NUP210: variants seen among roughly 807,000 people sequenced by gnomAD.
The protein encoded by NUP210 is nuclear pore membrane glycoprotein 210.
In NUP210, 151 loss-of-function variants were observed where a neutral mutation model predicts 196.0. That is an observed-to-expected ratio of 0.77 (90% CI 0.67 to 0.88). NUP210 has a LOEUF of 0.88. NUP210 is among the 40% of genes least tolerant of loss of function. The probability of loss-of-function intolerance (pLI) is 0.00; values close to 1 mark genes in which losing one functional copy is unlikely to be tolerated. For missense variants in NUP210, 2,314 were observed against 2,493.7 expected, an observed-to-expected ratio of 0.93 and a Z score of 1.53; for synonymous variants, 1,070 against 1,052.7, an observed-to-expected ratio of 1.02 and a Z score of -0.32.
In NUP210 at chr3:13,337,869, C is replaced by T. The variant is rs926552427; in HGVS notation, c.3520G>A (p.Ala1174Thr). 16 of 1,612,384 alleles carry T rather than the reference C, an allele frequency of 9.9e-6. No individual in the cohort carries two copies. The highest frequency in any genetic ancestry group is 1.3e-5 in the African/African-American group (1 of 74,930). Residue 1174 changes from alanine (A) to threonine (T), a missense_variant, in exon 26 of 40, where the codon GCC becomes ACC. Ala to Thr is a moderately conservative substitution (Grantham distance 58). Coordinates refer to ENST00000254508, the MANE Select transcript of NUP210 (RefSeq NM_024923.4). ...VLLLRAVRIR[A>T]PIMRMRTGTQ... The stretch of plus-strand genomic sequence containing the variant: ...CCCGTCCTCATCCGCATGATGGGGG[C>T]GCGGATCCTCACGGCCCTTAGCAGC...
intron 1 of NUP210, among the ~76,000 whole-genome samples, chr3:13,402,137 CT>C (rs1450532924): frequency 6.6e-6 from 1 of 152,126 alleles, no homozygotes; most frequent in East Asian, 1.9e-4. Context: ...GAGTTCAAGG[CT>C]GCAGTGAGTT....
At chr3:13,321,941 G>A in intron 35 of NUP210, 106 bp from the exon 36 acceptor site, 1 of 1,472,994 alleles carries the variant, frequency 6.8e-7, no homozygotes, top group Non-Finnish European at 9.2e-7. Flanking sequence ...ATCCTCCAAA[G>A]CCCAGGTGAG....
intron 11 of NUP210, among the ~76,000 whole-genome samples, chr3:13,375,056 T>C (rs1276037379): frequency 1.3e-5 from 2 of 152,128 alleles, no homozygotes; most frequent in Admixed American, 1.3e-4. Context: ...TGTATATATA[T>C]AATGCTTTCA....
Position 13,418,948 on chromosome 3 carries a change from CA to C in NUP210, c.167+1111del, listed in dbSNP as rs112826426. Among the ~76,000 whole-genome samples, 344 of 52,490 alleles carry C rather than the reference CA, an allele frequency of 6.6e-3. 1 individual carries two copies. The highest frequency in any genetic ancestry group is 0.026 in the East Asian group (39 of 1,472). 34.4% of individuals were successfully genotyped at this position (52,490 alleles called of 152,430 possible). ...TGGACGACAAAGCAAAACTCCGTCT[CA>C]AAAAAAAAAAAAAAAAAAAAAAAAG... is the stretch of plus-strand genomic sequence containing the variant. On this transcript the variant is annotated intron_variant, in intron 1 of 39. Coordinates refer to ENST00000254508, the MANE Select transcript of NUP210 (RefSeq NM_024923.4).
chr3:13,325,968 A>G (rs1438137233), intron 32 of NUP210, 37 bp from the exon 33 acceptor site: 1 of 1,608,842 alleles, frequency 6.2e-7, no homozygotes, highest in Non-Finnish European at 8.5e-7. Flanking sequence ...CCCTTTCCAT[A>G]GCTGGACACT....
chr3:13,345,973 C>T (rs1393814114), intron 20 of NUP210, among the ~76,000 whole-genome samples: 1 of 152,240 alleles, frequency 6.6e-6, no homozygotes, highest in Non-Finnish European at 1.5e-5. Context: ...TTCCATAGTG[C>T]ACCGACTGCG....
chr3:13,332,484 G>C, intron 28 of NUP210, 100 bp from the exon 29 acceptor site: 2 of 918,218 alleles, frequency 2.2e-6, no homozygotes, highest in Non-Finnish European at 3.5e-6. Flanking sequence ...GGAGGGGCCA[G>C]AGAGGAGAAA....
At chr3:13,378,812 G>A in intron 8 of NUP210, 100 bp downstream of exon 8, 1 of 890,062 alleles carries the variant, frequency 1.1e-6, no homozygotes, top group Non-Finnish European at 1.9e-6. Context: ...CTGGCCAGAG[G>A]GAAGCATTTT....
At chr3:13,407,871 A>G (rs929594870) in intron 1 of NUP210, among the ~76,000 whole-genome samples, 2 of 152,208 alleles carry the variant, frequency 1.3e-5, no homozygotes. Flanking sequence ...AACTAAGTAC[A>G]GACTACACAT....
chr3:13,317,901 G>C, intron 39 of NUP210, 120 bp from the exon 40 acceptor site: 2 of 687,260 alleles, frequency 2.9e-6, no homozygotes, highest in South Asian at 1.9e-5. Context: ...GTGATGCCCC[G>C]AGGCCTCCCC....
At chr3:13,320,551 T>C (rs1696479082) in intron 36 of NUP210, among the ~76,000 whole-genome samples, 1 of 146,548 alleles carries the variant, frequency 6.8e-6, no homozygotes, top group African/African-American at 2.5e-5. Flanking sequence ...GAGAATGGCA[T>C]GAACCCGGGA....
At chr3:13,334,557 T>C (rs929715058) in intron 28 of NUP210, among the ~76,000 whole-genome samples, 2 of 152,164 alleles carry the variant, frequency 1.3e-5, no homozygotes, top group African/African-American at 2.4e-5. Context: ...ATAGTTTATT[T>C]CTTCTTGAGG....
chr3:13,318,779 C>T (rs1696379738), intron 39 of NUP210, among the ~76,000 whole-genome samples: 1 of 152,208 alleles, frequency 6.6e-6, no homozygotes, highest in African/African-American at 2.4e-5. Context: ...TCTGAGGCAG[C>T]CTCAGCAATT....
At position 13,322,221 on chromosome 3, in the gene NUP210, G is replaced by C. The variant is rs766039572; in HGVS notation, c.4887C>G (p.Thr1629=). 7 of 1,614,184 alleles carry C rather than the reference G, an allele frequency of 4.3e-6. No individual in the cohort carries two copies. In the East Asian group the frequency reaches 1.6e-4, roughly 36 times the overall value. ...VFDFPSQDVF[T]VEPQFDTALG... is the part of the protein sequence containing the mutation. ...GAGCAGTGTCAAACTGTGGCTCCAC[G>C]GTGAACACATCTTGAGATGGGAAAT... Residue 1629 remains threonine, a synonymous_variant, in exon 35 of 40, where the codon ACC becomes ACG. Coordinates refer to ENST00000254508, the MANE Select transcript of NUP210 (RefSeq NM_024923.4).
chr3:13,365,042 G>A (rs916213485), intron 14 of NUP210, among the ~76,000 whole-genome samples: 2 of 152,084 alleles, frequency 1.3e-5, no homozygotes, highest in African/African-American at 4.8e-5. Context: ...GCCCTCCCTG[G>A]AAGGAGGAGC....
chr3:13,381,817 T>G (rs979697327), intron 6 of NUP210, among the ~76,000 whole-genome samples: 4 of 152,128 alleles, frequency 2.6e-5, no homozygotes, highest in Non-Finnish European at 4.4e-5. Context: ...CTGCTGACCC[T>G]GGCTGATCCC....
rs201198335 is a variant in NUP210 at position 13,317,772 on chromosome 3, G to A, written c.5573C>T (p.Ala1858Val). The change falls in exon 40 of 40, where the codon GCC becomes GTC. Residue 1858 changes from alanine (A) to valine (V), a missense_variant. By Grantham distance (64) the Ala-to-Val change is moderately conservative (BLOSUM62 0). Transcript: ENST00000254508. ...SPGHSPHYFA[A>V]SSPTSPNALP... ...TGCATTGGGAGATGTGGGTGATGAGGCAGCGAAATCTAGGGTGGGAAGAGA... is the reference window on the plus strand; with the variant it reads ...TGCATTGGGAGATGTGGGTGATGAGACAGCGAAATCTAGGGTGGGAAGAGA... 165 of 1,608,974 alleles carry A rather than the reference G, an allele frequency of 1.0e-4. No individual in the cohort carries two copies. The highest frequency in any genetic ancestry group is 9.7e-4 in the South Asian group (87 of 89,878).
rs191065132 is a variant in NUP210 at position 13,347,391 on chromosome 3, G to T, written c.2836-4088C>A. ...GGACTTGATTGAAATGTAAAGAATC[G>T]TTGAAAAGAAGGAAAACTTAGGCTT... On this transcript the variant is annotated intron_variant, in intron 20 of 39. Coordinates refer to ENST00000254508, the MANE Select transcript of NUP210 (RefSeq NM_024923.4). The surrounding 1 kb of genome is among the most constrained non-coding windows in gnomAD (Gnocchi z 4.7). The T allele has an allele frequency of 2.6e-5, 25 of 944,660 alleles. No individual in the cohort carries two copies. The African/African-American group carries it at 3.9e-4, about 15-fold the overall frequency. The allele number at this position is 944,660 out of a possible 1,614,324, so 58.5% of individuals were successfully genotyped here.
In NUP210 at chr3:13,377,497, C is replaced by G. The variant is rs528786448; in HGVS notation, c.1111G>C (p.Glu371Gln). 3.1e-6 allele frequency: 5 copies of G among 1,613,850 alleles called. No individual in the cohort carries two copies. In the South Asian group the frequency reaches 3.3e-5, roughly 11 times the overall value. ...ETGRLYEITI[E>Q]VFDKFSNKVY... ...TTGTTGCTGAACTTGTCAAAAACTTCGATGGTGATTTCATACAGGCGGCCG... is the reference window on the plus strand; with the variant it reads ...TTGTTGCTGAACTTGTCAAAAACTTGGATGGTGATTTCATACAGGCGGCCG... The change falls in exon 9 of 40, where the codon GAA (glutamate) becomes CAA (glutamine). Residue 371 changes from glutamate to glutamine, a missense_variant. Physicochemically the swap from Glu to Gln is conservative, Grantham distance 29. Transcript: ENST00000254508.
Sources: gnomAD v4.1 joint callset for allele counts (sites outside exome capture counted in the v4.1 genomes callset) on GRCh38, gnomAD v4.1.1 for gene constraint, Gnocchi (gnomAD v3.1) non-coding constraint, MANE v1.5 for transcripts, NCBI Gene and HGNC (gene_info 2026-07-23, HGNC 2026-07-21) for gene names.